Variants in CABLES1 observed in about 807,000 individuals in gnomAD.
CABLES1 encodes Cdk5 and Abl enzyme substrate 1.
A neutral mutation model predicts 57.8 loss-of-function variants in CABLES1; 36 were observed. That is an observed-to-expected ratio of 0.62 (90% CI 0.48 to 0.82). CABLES1 has a LOEUF of 0.82. Among genes scored for constraint, CABLES1 ranks in the 40% least tolerant of loss-of-function variants. The pLI, the probability that CABLES1 is intolerant of heterozygous loss-of-function variation, is 0.00. For missense variants in CABLES1, 767 were observed against 836.6 expected (o/e 0.92, Z 1.03); for synonymous variants, 374 against 363.0 (o/e 1.03, Z -0.35).
At chr18:23,234,379 T>G (rs1475737657) in intron 4 of CABLES1, among the ~76,000 whole-genome samples, 1 of 152,182 alleles carries the variant, frequency 6.6e-6, no homozygotes, top group Non-Finnish European at 1.5e-5. Flanking sequence ...CTGTAAACCA[T>G]CAGCTTCATC....
At chr18:23,215,827 C>A (rs2047437716) in intron 4 of CABLES1, among the ~76,000 whole-genome samples, 1 of 151,568 alleles carries the variant, frequency 6.6e-6, no homozygotes, top group East Asian at 1.9e-4. Flanking sequence ...GATCTCGGCT[C>A]ACTGCAAGCT....
intron 7 of CABLES1, among the ~76,000 whole-genome samples, chr18:23,249,038 G>A (rs1020803169): frequency 3.9e-5 from 6 of 152,134 alleles, no homozygotes; most frequent in South Asian, 2.1e-4. Context: ...CTCCAGATCC[G>A]TGCTGCTCTG....
In CABLES1 at chr18:23,163,915, T is replaced by C. The variant is rs1192122097; in HGVS notation, c.846-24923T>C. On this transcript the variant is annotated intron_variant, in intron 1 of 9. Transcript: ENST00000256925. ...TTAAAAAATATTAACATATATAATCTGTATAATAGCCTATAAGGTAGGCCC... is the reference window on the plus strand; with the variant it reads ...TTAAAAAATATTAACATATATAATCCGTATAATAGCCTATAAGGTAGGCCC... Among the ~76,000 whole-genome samples, 3 of 152,170 alleles carry C rather than the reference T, an allele frequency of 2.0e-5. 1 individual carries two copies.
intron 1 of CABLES1, among the ~76,000 whole-genome samples, chr18:23,144,157 C>T (rs1357075701): frequency 6.6e-6 from 1 of 152,226 alleles, no homozygotes; most frequent in African/African-American, 2.4e-5. Context: ...CCTGGCTGGG[C>T]CTCTTCCTTC....
At chr18:23,216,404 G>A (rs1431509561) in intron 4 of CABLES1, among the ~76,000 whole-genome samples, 1 of 152,198 alleles carries the variant, frequency 6.6e-6, no homozygotes, top group African/African-American at 2.4e-5. Context: ...AAACCTTGCT[G>A]CGAAATGGAG....
intron 9 of CABLES1, among the ~76,000 whole-genome samples, chr18:23,256,765 G>A (rs1480161321): frequency 1.3e-5 from 2 of 152,182 alleles, no homozygotes; most frequent in East Asian, 1.9e-4. Flanking sequence ...GATGACAGGC[G>A]TGAGCCACCA....
At chr18:23,211,757 A>C (rs1468187873) in intron 3 of CABLES1, among the ~76,000 whole-genome samples, 1 of 152,244 alleles carries the variant, frequency 6.6e-6, no homozygotes, top group African/African-American at 2.4e-5. Flanking sequence ...GACGTGCCTC[A>C]TCAGTTAAAG....
rs750897563 is a variant in CABLES1, at chr18:23,235,951, T to C, written c.1242T>C (p.Asn414=). 8.1e-6 allele frequency: 13 copies of C among 1,614,034 alleles called. No individual in the cohort carries two copies. The highest frequency in any genetic ancestry group is 3.3e-5 in the South Asian group (3 of 91,086). Residue 414 remains asparagine (N), a synonymous_variant, in exon 6 of 10, where the codon AAT becomes AAC. Transcript: ENST00000256925. ...LPTNAFGARR[N]TIDSTSSFSQ... is the part of the protein sequence containing the mutation. ...CAAATGCCTTTGGAGCCCGGAGAAA[T>C]ACCATAGACTCCACCTCCTCTTTCT...
intron 1 of CABLES1, among the ~76,000 whole-genome samples, chr18:23,168,477 G>A (rs1223620875): frequency 1.3e-5 from 2 of 152,176 alleles, no homozygotes; most frequent in Non-Finnish European, 2.9e-5. Context: ...AAAATGGGGA[G>A]TATTCTTCAC....
chr18:23,249,353 G>GC (rs1312478754), intron 7 of CABLES1, among the ~76,000 whole-genome samples: 1 of 152,192 alleles, frequency 6.6e-6, no homozygotes, highest in African/African-American at 2.4e-5. Context: ...AGCAGCCTCA[G>GC]CCCCGGGGGT....
In CABLES1 at chr18:23,190,957, A is replaced by G. The variant is rs183004829; in HGVS notation, c.917+2048A>G. Reference sequence around the variant, plus strand: ...AAATACATAAATAAATAAGGTTCTCATATTGGCTGGGCACGGTGGCTCACA... The same window carrying G: ...AAATACATAAATAAATAAGGTTCTCGTATTGGCTGGGCACGGTGGCTCACA... On this transcript the variant is annotated intron_variant, in intron 2 of 9. Transcript: ENST00000256925. Among the ~76,000 whole-genome samples, 1,276 of 151,326 alleles carry G rather than the reference A, an allele frequency of 8.4e-3. 10 individuals are homozygous for G. Among genetic ancestry groups the G allele is most frequent in the Middle Eastern group, 0.024 (7 of 292 alleles).
At chr18:23,208,786 G>A (rs2047382888) in intron 3 of CABLES1, among the ~76,000 whole-genome samples, 2 of 152,222 alleles carry the variant, frequency 1.3e-5, no homozygotes, top group African/African-American at 4.8e-5. Flanking sequence ...CGGGGGCCAT[G>A]TTCCCTCTGA....
intron 2 of CABLES1, among the ~76,000 whole-genome samples, chr18:23,191,269 G>A (rs1182246477): frequency 6.6e-6 from 1 of 152,068 alleles, no homozygotes; most frequent in Non-Finnish European, 1.5e-5. Context: ...AACTTAAAAA[G>A]CATAACTGTT....
intron 7 of CABLES1, among the ~76,000 whole-genome samples, chr18:23,242,084 T>C (rs1221223334): frequency 6.6e-6 from 1 of 152,140 alleles, no homozygotes; most frequent in Admixed American, 6.5e-5. Flanking sequence ...AAGAGCAGCC[T>C]GACCAACGTG....
intron 8 of CABLES1, among the ~76,000 whole-genome samples, chr18:23,253,299 A>G (rs1039422351): frequency 2.0e-5 from 3 of 152,170 alleles, no homozygotes; most frequent in East Asian, 1.9e-4. Context: ...CCTGGCCCAC[A>G]TGGTGAAATC....
intron 1 of CABLES1, among the ~76,000 whole-genome samples, chr18:23,175,640 G>T (rs2047118078): frequency 6.6e-6 from 1 of 152,122 alleles, no homozygotes; most frequent in Non-Finnish European, 1.5e-5. Context: ...TAGAAATGGG[G>T]GTTTTGCCAT....
intron 9 of CABLES1, among the ~76,000 whole-genome samples, chr18:23,255,417 G>A (rs779123794): frequency 2.6e-5 from 4 of 152,150 alleles, no homozygotes; most frequent in Non-Finnish European, 4.4e-5. Context: ...GTATTTTTTA[G>A]GTCGGCGCTT....
At chr18:23,143,733 T>C (rs768531672) in intron 1 of CABLES1, among the ~76,000 whole-genome samples, 2 of 152,044 alleles carry the variant, frequency 1.3e-5, no homozygotes, top group Admixed American at 6.6e-5. Flanking sequence ...CTTGGCCCCT[T>C]CCTGCCTGCC....
chr18:23,146,024 A>T (rs1434294268), intron 1 of CABLES1, among the ~76,000 whole-genome samples: 1 of 152,276 alleles, frequency 6.6e-6, no homozygotes, highest in Non-Finnish European at 1.5e-5. Context: ...TACGATAAAC[A>T]GAAGAAAAAC....
Sources: gnomAD v4.1 joint callset for allele counts (sites outside exome capture counted in the v4.1 genomes callset) on GRCh38, gnomAD v4.1.1 for gene constraint, MANE v1.5 for transcripts, NCBI Gene and HGNC (gene_info 2026-07-23, HGNC 2026-07-21) for gene names.